Variants in ARL15 observed in about 807,000 individuals in gnomAD.
ARL15 encodes ARF like GTPase 15, also known as ADP-ribosylation factor-like protein 15.
In ARL15, 19 loss-of-function variants were observed where a neutral mutation model predicts 25.2. That is an observed-to-expected ratio of 0.75 (90% CI 0.53 to 1.10). The LOEUF (loss-of-function observed/expected upper bound fraction) is 1.10, where lower values mean the gene tolerates loss of function less well. ARL15 is among the 50% of genes least tolerant of loss of function. ARL15 has a pLI of 0.00. For missense variants in ARL15, 220 were observed against 246.0 expected (o/e 0.89, Z 0.71); for synonymous variants, 94 against 86.8 (o/e 1.08, Z -0.46).
chr5:54,267,017 T>TTAAA (rs1757641874), intron 1 of ARL15, among the ~76,000 whole-genome samples: 1 of 152,234 alleles, frequency 6.6e-6, no homozygotes, highest in African/African-American at 2.4e-5. Flanking sequence ...TGGATATTTA[T>TTAAA]TAAATGGTGG....
At chr5:54,132,856 C>A (rs1222799701) in intron 3 of ARL15, among the ~76,000 whole-genome samples, 2 of 152,130 alleles carry the variant, frequency 1.3e-5, no homozygotes, top group Non-Finnish European at 1.5e-5. Flanking sequence ...TAGCCGGCTT[C>A]TTTACTGCAA....
At chr5:54,245,981 A>G (rs983718535) in intron 1 of ARL15, among the ~76,000 whole-genome samples, 22 of 152,160 alleles carry the variant, frequency 1.4e-4, no homozygotes, top group African/African-American at 5.3e-4. Context: ...AAATAGTTCA[A>G]AGAGTTATCA....
intron 4 of ARL15, among the ~76,000 whole-genome samples, chr5:53,932,899 C>T (rs1439403724): frequency 6.6e-6 from 1 of 152,170 alleles, no homozygotes; most frequent in African/African-American, 2.4e-5. Context: ...ACAATTAAAG[C>T]CCCAATAATC....
intron 4 of ARL15, among the ~76,000 whole-genome samples, chr5:54,007,665 G>C (rs1485477429): frequency 6.6e-6 from 1 of 152,114 alleles, no homozygotes; most frequent in African/African-American, 2.4e-5. Context: ...AACTTGGCCA[G>C]TTTTGCAATG....
chr5:54,130,017 T>C (rs746424372), intron 3 of ARL15, among the ~76,000 whole-genome samples: 45 of 152,120 alleles, frequency 3.0e-4, no homozygotes, highest in Admixed American at 7.2e-4. Context: ...GGTGGGAAGA[T>C]TGCTTGAGCC....
chr5:54,116,844 G>A (rs1752914080), intron 3 of ARL15, among the ~76,000 whole-genome samples: 1 of 152,152 alleles, frequency 6.6e-6, no homozygotes, highest in Non-Finnish European at 1.5e-5. Flanking sequence ...TAGGTCTAAT[G>A]TGATTGAAAT....
At chr5:54,288,675 A>G (rs1758244189) in intron 1 of ARL15, among the ~76,000 whole-genome samples, 1 of 152,234 alleles carries the variant, frequency 6.6e-6, no homozygotes, top group Non-Finnish European at 1.5e-5. Context: ...TTTATAATTC[A>G]ACAAATCATA....
intron 3 of ARL15, chr5:54,154,334 A>T (rs1243753598): frequency 2.8e-6 from 1 of 353,202 alleles, no homozygotes; most frequent in African/African-American, 2.1e-5. Context: ...GAGCTGTATA[A>T]ATTGCCAATA....
chr5:54,263,998 A>G (rs961988798), intron 1 of ARL15, among the ~76,000 whole-genome samples: 2 of 152,118 alleles, frequency 1.3e-5, no homozygotes, highest in African/African-American at 2.4e-5. Context: ...CAACTCCTTC[A>G]GTATATCACA....
At chr5:54,226,997 G>A (rs747735377) in intron 1 of ARL15, among the ~76,000 whole-genome samples, 5 of 152,086 alleles carry the variant, frequency 3.3e-5, no homozygotes, top group East Asian at 1.9e-4. Flanking sequence ...CTTGCCTGCC[G>A]CTATGTAAGA....
intron 1 of ARL15, among the ~76,000 whole-genome samples, chr5:54,254,310 G>A (rs1393374998): frequency 2.6e-5 from 4 of 152,106 alleles, no homozygotes; most frequent in African/African-American, 9.7e-5. Flanking sequence ...TATATAGCTT[G>A]TCTACACAAG....
At chr5:54,152,546 T>G (rs1754097103) in intron 3 of ARL15, among the ~76,000 whole-genome samples, 1 of 152,226 alleles carries the variant, frequency 6.6e-6, no homozygotes, top group Admixed American at 6.5e-5. Context: ...CTGTGTCAAC[T>G]GGAAACAGAG....
chr5:54,284,871 T>C (rs533094592), intron 1 of ARL15, among the ~76,000 whole-genome samples: 13 of 152,338 alleles, frequency 8.5e-5, no homozygotes, highest in African/African-American at 3.1e-4. Flanking sequence ...TTCCCTCTAA[T>C]TACTAGGAGT....
chr5:54,174,138 A>C (rs549948527), intron 1 of ARL15, among the ~76,000 whole-genome samples: 1 of 152,226 alleles, frequency 6.6e-6, no homozygotes, highest in African/African-American at 2.4e-5. Flanking sequence ...CAGTACTCCC[A>C]GTGTCTAGCA....
intron 4 of ARL15, among the ~76,000 whole-genome samples, chr5:53,912,826 G>A (rs1057267111): frequency 1.3e-5 from 2 of 152,190 alleles, no homozygotes; most frequent in Non-Finnish European, 2.9e-5. Flanking sequence ...CTCTTCTAGA[G>A]ACTAAAGATA....
chr5:54,291,623 A>G (rs1758320679), intron 1 of ARL15, among the ~76,000 whole-genome samples: 1 of 152,162 alleles, frequency 6.6e-6, no homozygotes, highest in Admixed American at 6.5e-5. Flanking sequence ...TAGCAAAGGG[A>G]AGATATTTTC....
chr5:54,002,842 C>T (rs1430577474), intron 4 of ARL15, among the ~76,000 whole-genome samples: 2 of 152,170 alleles, frequency 1.3e-5, no homozygotes, highest in Non-Finnish European at 2.9e-5. Flanking sequence ...GCTCTCATTG[C>T]TAATGATTCT....
chr5:54,230,507 C>T (rs1464148449), intron 1 of ARL15, among the ~76,000 whole-genome samples: 1 of 152,134 alleles, frequency 6.6e-6, no homozygotes, highest in Non-Finnish European at 1.5e-5. Flanking sequence ...ACGGTCTCCT[C>T]AAATGCCATG....
intron 4 of ARL15, among the ~76,000 whole-genome samples, chr5:54,036,499 C>G (rs1296928285): frequency 1.3e-5 from 2 of 152,074 alleles, no homozygotes; most frequent in African/African-American, 4.8e-5. Flanking sequence ...GTTTACTCCC[C>G]TCTGATAAAA....
Sources: allele counts gnomAD v4.1 joint callset (sites outside exome capture counted in the v4.1 genomes callset), GRCh38; gene constraint gnomAD v4.1.1; transcripts MANE v1.5; gene names NCBI Gene and HGNC (gene_info 2026-07-23, HGNC 2026-07-21).